STXBP4: variants seen among roughly 807,000 people sequenced by gnomAD.
STXBP4 encodes the protein syntaxin binding protein 4, also known as syntaxin-binding protein 4.
Under a neutral mutation model 76.1 loss-of-function variants are expected in STXBP4, and 55 were observed. The ratio of observed to expected loss-of-function variants is 0.72; its 90% CI spans 0.58 to 0.91. STXBP4 has a LOEUF of 0.91. STXBP4 is among the 40% of genes least tolerant of loss of function. The pLI is 0.00. For synonymous variants in STXBP4, 201 were observed against 220.2 expected, an observed-to-expected ratio of 0.91 and a Z score of 0.77; for missense variants, 618 against 636.9, an observed-to-expected ratio of 0.97 and a Z score of 0.32.
rs541938657 is a variant in STXBP4, at chr17:55,160,349, G to T, written c.*438G>T. The T allele has an allele frequency of 6.5e-6, 1 of 152,826 alleles. No homozygotes were observed. The highest frequency in any genetic ancestry group is 2.1e-4 in the South Asian group (1 of 4,818). The allele number at this position is 152,826 out of a possible 1,614,324, so 9.5% of individuals were successfully genotyped here. ...TTTTATATTCATATATTAGGAAAGTGAACTTAGCAAGCTTTTTGGAATTTA... is the reference window on the plus strand; with the variant it reads ...TTTTATATTCATATATTAGGAAAGTTAACTTAGCAAGCTTTTTGGAATTTA... On this transcript the variant is annotated 3_prime_UTR_variant, in exon 18 of 18. Transcript: ENST00000376352.
rs373800927 is a variant in STXBP4, at chr17:55,036,660, TAAATG to T, written c.855+2403_855+2407del. Among the ~76,000 whole-genome samples, 221 of 152,008 alleles carry T rather than the reference TAAATG, an allele frequency of 1.5e-3. 7 individuals carry two copies. The South Asian group carries it at 0.045, about 31-fold the overall frequency. The stretch of plus-strand genomic sequence containing the variant: ...TTCTGTTTTCAGATATACTTTTAAA[TAAATG>T]ATATGGTCAGTCAGGTTCTTTGAAT... On this transcript the variant is annotated intron_variant, in intron 10 of 17. Transcript: ENST00000376352.
intron 16 of STXBP4, among the ~76,000 whole-genome samples, chr17:55,112,538 A>T (rs763071317): frequency 4.6e-5 from 7 of 152,282 alleles, no homozygotes; most frequent in Middle Eastern, 3.4e-3. Context: ...TTGATCCTGG[A>T]TTATTGGAGG....
At position 55,170,675 on chromosome 17, in the gene STXBP4, G is replaced by A. The variant is rs952967357; in HGVS notation, c.*10764G>A. ...TTTGTAGTGTTGTAGGGACTGGAAAGATCAGAGATTATGTTATGGCCATGA... is the reference window on the plus strand; with the variant it reads ...TTTGTAGTGTTGTAGGGACTGGAAAAATCAGAGATTATGTTATGGCCATGA... On this transcript the variant is annotated 3_prime_UTR_variant, in exon 18 of 18. Coordinates refer to ENST00000376352, the MANE Select transcript of STXBP4 (RefSeq NM_178509.6). 20 of 152,148 alleles carry A rather than the reference G, an allele frequency of 1.3e-4. No individual in the cohort carries two copies. The highest frequency in any genetic ancestry group is 4.6e-4 in the African/African-American group (19 of 41,432). 9.4% of individuals were successfully genotyped at this position (152,148 alleles called of 1,614,324 possible). A position where few individuals can be genotyped will look rare whatever the true frequency, so the allele number is the denominator to read the frequency against.
Position 55,160,968 on chromosome 17 carries a change from GT to G in STXBP4, c.*1059del, listed in dbSNP as rs1381101386. 2 of 152,224 alleles carry G rather than the reference GT, an allele frequency of 1.3e-5. No individual in the cohort carries two copies. Among genetic ancestry groups the G allele is most frequent in the African/African-American group, 4.8e-5 (2 of 41,454 alleles). The allele number at this position is 152,224 out of a possible 1,614,324, so 9.4% of individuals were successfully genotyped here. ...GGAGCTGATGAGAAGAGAGGTATCT[GT>G]TAAAACATTACTGCTCTACTCGAAA... On this transcript the variant is annotated 3_prime_UTR_variant, in exon 18 of 18. Transcript: ENST00000376352.
At chr17:55,024,960 AC>A (rs769310003) in intron 8 of STXBP4, among the ~76,000 whole-genome samples, 9 of 151,780 alleles carry the variant, frequency 5.9e-5, no homozygotes, top group Non-Finnish European at 1.0e-4. Flanking sequence ...ACACAGTGAA[AC>A]CCCATCTCTA....
intron 8 of STXBP4, among the ~76,000 whole-genome samples, chr17:55,025,575 G>C (rs1250960988): frequency 6.6e-6 from 1 of 152,024 alleles, no homozygotes; most frequent in Non-Finnish European, 1.5e-5. Flanking sequence ...AAATATCTGA[G>C]AAAACCTAAC....
chr17:55,059,413 TGATTACA>T (rs1465077291), intron 12 of STXBP4, among the ~76,000 whole-genome samples: 8 of 152,176 alleles, frequency 5.3e-5, no homozygotes, highest in Non-Finnish European at 8.8e-5. Context: ...AATGATGCAG[TGATTACA>T]GTGAGTTAGA....
intron 8 of STXBP4, among the ~76,000 whole-genome samples, chr17:55,020,135 T>C (rs1280454956): frequency 6.6e-6 from 1 of 152,208 alleles, no homozygotes; most frequent in Non-Finnish European, 1.5e-5. Context: ...CTGTTACCCG[T>C]TCAATTACAT....
At chr17:54,989,144 G>A (rs1436076025) in intron 3 of STXBP4, among the ~76,000 whole-genome samples, 1 of 152,212 alleles carries the variant, frequency 6.6e-6, no homozygotes, top group Non-Finnish European at 1.5e-5. Flanking sequence ...GTCTCGCTCT[G>A]TTGCCCAGGC....
chr17:55,014,589 G>A (rs995063830), intron 8 of STXBP4, among the ~76,000 whole-genome samples: 3 of 152,052 alleles, frequency 2.0e-5, no homozygotes, highest in African/African-American at 4.8e-5. Context: ...GCCCTTAATG[G>A]TCAAGCATAC....
intron 16 of STXBP4, among the ~76,000 whole-genome samples, chr17:55,095,299 A>G (rs1377582484): frequency 1.3e-5 from 2 of 152,242 alleles, no homozygotes; most frequent in Non-Finnish European, 2.9e-5. Flanking sequence ...AGAACTGACT[A>G]TAATGATAGA....
intron 10 of STXBP4, among the ~76,000 whole-genome samples, chr17:55,036,320 T>TA (rs1363064459): frequency 6.6e-6 from 1 of 151,852 alleles, no homozygotes; most frequent in East Asian, 1.9e-4. Context: ...GTGAACATGT[T>TA]ATGGCTTCTC....
intron 12 of STXBP4, among the ~76,000 whole-genome samples, chr17:55,070,805 T>A (rs1423176080): frequency 2.6e-5 from 4 of 152,152 alleles, no homozygotes; most frequent in Non-Finnish European, 5.9e-5. Context: ...ACATTTCTTC[T>A]TGTCTCTCTT....
chr17:55,199,306 A>G, the STXBP4 span, among the ~76,000 whole-genome samples: 2 of 152,218 alleles, frequency 1.3e-5, no homozygotes, highest in Admixed American at 6.5e-5. Flanking sequence ...CTTGCTGAAA[A>G]CAGTACTCTG....
chr17:55,183,084 T>C, the STXBP4 span, among the ~76,000 whole-genome samples: 13 of 152,298 alleles, frequency 8.5e-5, no homozygotes, highest in Non-Finnish European at 1.5e-4. Flanking sequence ...TAAATATCTC[T>C]AAACCTATTG....
intron 16 of STXBP4, among the ~76,000 whole-genome samples, chr17:55,131,795 T>C (rs952853893): frequency 2.6e-5 from 4 of 152,200 alleles, no homozygotes; most frequent in African/African-American, 9.6e-5. Context: ...AGGGTCTGGC[T>C]CTGTCACCCA....
chr17:55,027,580 A>G (rs74383271), intron 8 of STXBP4, among the ~76,000 whole-genome samples: 3,198 of 152,228 alleles, frequency 0.021, 84 homozygotes, highest in East Asian at 0.15. Flanking sequence ...AAAAAGAAAA[A>G]AGTTGAACTC....
In STXBP4 at chr17:55,081,103, A is replaced by G. The variant is rs953103086; in HGVS notation, c.1409A>G (p.Asn470Ser). Reference protein sequence around the residue: ...SQTSLTPLGRNGRSIPATLAL... With the variant: ...SQTSLTPLGRSGRSIPATLAL... Reference sequence around the variant, plus strand: ...ACTTCCCTCACACCACTGGGAAGGAATGGACGTAGCATCCCAGCAACGCTG... The same window carrying G: ...ACTTCCCTCACACCACTGGGAAGGAGTGGACGTAGCATCCCAGCAACGCTG... Residue 470 changes from asparagine (N) to serine (S), a missense_variant, in exon 16 of 18, where the codon AAT (asparagine) becomes AGT (serine). Transcript: ENST00000376352. 25 of 1,559,624 alleles carry G rather than the reference A, an allele frequency of 1.6e-5. No individual in the cohort carries two copies. Among genetic ancestry groups the G allele is most frequent in the East Asian group, 7.5e-5 (3 of 39,968 alleles).
chr17:55,061,220 A>G (rs547020490), intron 12 of STXBP4, among the ~76,000 whole-genome samples: 28 of 152,358 alleles, frequency 1.8e-4, no homozygotes, highest in African/African-American at 6.3e-4. Context: ...AAGGAAACCA[A>G]GAACAAATTA....
Sources: gnomAD v4.1 joint callset for allele counts (sites outside exome capture counted in the v4.1 genomes callset) on GRCh38, gnomAD v4.1.1 for gene constraint, MANE v1.5 for transcripts, NCBI Gene and HGNC (gene_info 2026-07-23, HGNC 2026-07-21) for gene names.